The following AHCYL1 variants were observed in gnomAD, a reference collection of about 807,000 sequenced individuals.
AHCYL1 encodes the protein adenosylhomocysteinase like 1, also known as S-adenosylhomocysteine hydrolase-like protein 1.
In AHCYL1, 20 loss-of-function variants were observed where a neutral mutation model predicts 79.3. The observed-to-expected ratio is 0.25, with a 90% confidence interval of 0.18 to 0.37. The LOEUF (loss-of-function observed/expected upper bound fraction) is 0.37. Among genes scored for constraint, AHCYL1 ranks in the 10% least tolerant of loss-of-function variants. The probability of loss-of-function intolerance (pLI) is 1.00; values close to 1 mark genes in which losing one functional copy is unlikely to be tolerated. For synonymous variants in AHCYL1, 223 were observed against 242.2 expected (o/e 0.92, Z 0.74); for missense variants, 330 against 673.6 (o/e 0.49, Z 5.65).
intron 13 of AHCYL1, 125 bp downstream of exon 13, chr1:110,018,775 A>G (rs1374320650): frequency 4.0e-6 from 4 of 992,156 alleles, no homozygotes; most frequent in Non-Finnish European, 6.0e-6. Flanking sequence ...AGAGAGAGAT[A>G]TTTCACAAAT....
intron 1 of AHCYL1, among the ~76,000 whole-genome samples, chr1:109,998,563 C>T (rs1010118489): frequency 6.6e-6 from 1 of 152,172 alleles, no homozygotes; most frequent in Non-Finnish European, 1.5e-5. Context: ...CTGCAACCTC[C>T]GTCCCCTGGG....
rs1337943853 is a variant in AHCYL1, at chr1:110,020,759, A to G, written c.1494A>G (p.Pro498=). 3 of 1,613,304 alleles carry G rather than the reference A, an allele frequency of 1.9e-6. No homozygotes were observed. In the East Asian group the frequency reaches 6.7e-5, roughly 36 times the overall value. Residue 498 remains proline, a synonymous_variant, in exon 16 of 17, where the codon CCA becomes CCG. Transcript: ENST00000369799. The part of the protein sequence containing the change: ...MDEYVASLHL[P]SFDAHLTELT... ...AATACGTTGCCAGCTTGCATCTGCC[A>G]TCATTTGATGCCCACCTTACAGAGC... is the stretch of plus-strand genomic sequence containing the variant.
In AHCYL1 at chr1:110,022,279, C is replaced by T. The variant is rs1400068997; in HGVS notation, c.*599C>T. 6.6e-6 allele frequency: 1 copy of T among 151,840 alleles called. No individual in the cohort carries two copies. The highest frequency in any genetic ancestry group is 2.4e-5 in the African/African-American group (1 of 41,246). 9.4% of individuals were successfully genotyped at this position (151,840 alleles called of 1,614,324 possible). On this transcript the variant is annotated 3_prime_UTR_variant, in exon 17 of 17. Transcript: ENST00000369799. ...ACTTGGATTTATAGTATAGCCCTTC[C>T]TCCACTCCCACCAGACTTGCTCATT...
At chr1:109,988,168 C>T (rs796807443) in intron 1 of AHCYL1, among the ~76,000 whole-genome samples, 21 of 152,306 alleles carry the variant, frequency 1.4e-4, no homozygotes, top group African/African-American at 5.1e-4. Context: ...TTACAGTCTC[C>T]TTAGCAGGCA....
At chr1:109,989,150 A>G in intron 1 of AHCYL1, among the ~76,000 whole-genome samples, 1 of 152,114 alleles carries the variant, frequency 6.6e-6, no homozygotes, top group East Asian at 1.9e-4. Flanking sequence ...GCAGGTATTG[A>G]TTACATCTCT....
intron 1 of AHCYL1, among the ~76,000 whole-genome samples, chr1:109,994,665 C>A (rs1266130111): frequency 1.3e-5 from 2 of 152,136 alleles, no homozygotes; most frequent in Non-Finnish European, 2.9e-5. Context: ...GTAACTAATT[C>A]AGTTTCTTAT....
intron 1 of AHCYL1, among the ~76,000 whole-genome samples, chr1:109,987,487 AT>A (rs1649531089): frequency 2.6e-5 from 4 of 152,190 alleles, no homozygotes; most frequent in Admixed American, 2.6e-4. Flanking sequence ...CCCCTCAGGA[AT>A]TGAGGATGTT....
intron 1 of AHCYL1, among the ~76,000 whole-genome samples, chr1:109,990,391 G>A (rs1649691077): frequency 6.6e-6 from 1 of 152,122 alleles, no homozygotes; most frequent in Non-Finnish European, 1.5e-5. Flanking sequence ...CGCAATTCTG[G>A]TTTATACCTG....
rs185663846 is a variant in AHCYL1 at position 110,002,543 on chromosome 1, G to C, written c.121-6491G>C. On this transcript the variant is annotated intron_variant, in intron 1 of 16. Transcript: ENST00000369799. ...TTTACAAAAGAATGCCAGCTAATGT[G>C]GAAGCATTGATAGAAAAATAGAAGT... Among the ~76,000 whole-genome samples the C allele has an allele frequency of 2.0e-5, 3 of 152,154 alleles. No individual in the cohort carries two copies. In the South Asian group the frequency reaches 6.2e-4, roughly 32 times the overall value.
intron 3 of AHCYL1, 46 bp downstream of exon 3, chr1:110,011,403 T>C: frequency 6.2e-7 from 1 of 1,602,992 alleles, no homozygotes; most frequent in Non-Finnish European, 8.5e-7. Context: ...ACCCTCTTGT[T>C]GGCCATCAGA....
intron 1 of AHCYL1, among the ~76,000 whole-genome samples, chr1:110,003,245 T>C (rs1443566321): frequency 1.3e-5 from 2 of 152,238 alleles, no homozygotes; most frequent in African/African-American, 2.4e-5. Flanking sequence ...AATATTCTTA[T>C]TCTTAGAAGA....
chr1:110,021,557 C>T (rs1487877090), intron 16 of AHCYL1, 117 bp from the exon 17 acceptor site: 4 of 921,738 alleles, frequency 4.3e-6, no homozygotes, highest in Non-Finnish European at 6.9e-6. Context: ...GGAATGACTG[C>T]AGGGATCCCA....
chr1:110,013,405 G>A (rs949352819), intron 5 of AHCYL1, among the ~76,000 whole-genome samples: 4 of 152,190 alleles, frequency 2.6e-5, no homozygotes, highest in African/African-American at 7.2e-5. Flanking sequence ...TTAATTAAAC[G>A]TAAAATAATT....
intron 1 of AHCYL1, among the ~76,000 whole-genome samples, chr1:109,989,770 C>T (rs1331197672): frequency 6.6e-6 from 1 of 152,148 alleles, no homozygotes; most frequent in East Asian, 1.9e-4. Context: ...AATGTCAACC[C>T]TGATTATACT....
chr1:109,993,143 A>G (rs1169884656), intron 1 of AHCYL1, among the ~76,000 whole-genome samples: 1 of 152,204 alleles, frequency 6.6e-6, no homozygotes, highest in Non-Finnish European at 1.5e-5. Context: ...TTTTGGTATT[A>G]TCTCAACTCT....
chr1:110,014,197 T>A (rs1156675557), intron 5 of AHCYL1, among the ~76,000 whole-genome samples: 1 of 152,184 alleles, frequency 6.6e-6, no homozygotes, highest in African/African-American at 2.4e-5. Flanking sequence ...CTGCAAAAAA[T>A]TTAGGAAGTT....
chr1:109,987,334 A>G (rs1269807368), intron 1 of AHCYL1, among the ~76,000 whole-genome samples: 1 of 152,192 alleles, frequency 6.6e-6, no homozygotes, highest in Non-Finnish European at 1.5e-5. Flanking sequence ...AAAGCATGGG[A>G]AAAGTAAGAG....
At chr1:110,017,818 C>T in intron 10 of AHCYL1, 128 bp from the exon 11 acceptor site, 1 of 1,019,838 alleles carries the variant, frequency 9.8e-7, no homozygotes, top group Non-Finnish European at 1.5e-6. Flanking sequence ...TTTAGCAGAG[C>T]TTATCACTCA....
rs1649398816 is a variant in AHCYL1 at position 109,985,174 on chromosome 1, TGCGGGGGCTCTGGGTGGCG to T, written c.120+13_120+31del. The T allele has an allele frequency of 1.9e-6, 3 of 1,605,288 alleles. No homozygotes were observed. Among genetic ancestry groups the T allele is most frequent in the Non-Finnish European group, 1.7e-6 (2 of 1,176,404 alleles). Reference sequence around the variant, plus strand: ...ACCGTCACCAAGGCGCCCAAGAAGGTGCGGGGGCTCTGGGTGGCGGCGGGGGCTCGGGCTCCGGCCTCGC... The same window carrying T: ...ACCGTCACCAAGGCGCCCAAGAAGGTGCGGGGGCTCGGGCTCCGGCCTCGC... On this transcript the variant is annotated splice_donor_5th_base_variant and intron_variant, in intron 1 of 16. Transcript: ENST00000369799.
Sources: gnomAD v4.1 joint callset for allele counts (sites outside exome capture counted in the v4.1 genomes callset) on GRCh38, gnomAD v4.1.1 for gene constraint, MANE v1.5 for transcripts, NCBI Gene and HGNC (gene_info 2026-07-23, HGNC 2026-07-21) for gene names.